Variants in RASGRP3 observed in about 807,000 individuals in gnomAD.
RASGRP3 encodes the protein ras guanyl-releasing protein 3.
RASGRP3 carries 54 observed loss-of-function variants against 82.7 expected under a neutral mutation model. That is an observed-to-expected ratio of 0.65 (90% CI 0.52 to 0.82). RASGRP3 has a LOEUF of 0.82. RASGRP3 is among the 40% of genes least tolerant of loss of function. The pLI, the probability that RASGRP3 is intolerant of heterozygous loss-of-function variation, is 0.00. For synonymous variants in RASGRP3, 309 were observed against 300.5 expected, an observed-to-expected ratio of 1.03 and a Z score of -0.29; for missense variants, 861 against 828.9, an observed-to-expected ratio of 1.04 and a Z score of -0.48.
In RASGRP3 at chr2:33,446,054, T is replaced by C. The variant is rs1665482389; in HGVS notation, c.-384-1766T>C. Among the ~76,000 whole-genome samples, 4 of 152,368 alleles carry C rather than the reference T, an allele frequency of 2.6e-5. No individual in the cohort carries two copies. The South Asian group carries it at 8.3e-4, about 32-fold the overall frequency. On this transcript the variant is annotated intron_variant, in intron 1 of 18. Coordinates refer to the RASGRP3 transcript ENST00000402538. ...TTTATGTCTAATTTTACTGTTAAAC[T>C]TTGTGCTTGCCTTTTCCTGAAGGAC...
chr2:33,526,222 A>C (rs1672553146), intron 9 of RASGRP3, among the ~76,000 whole-genome samples: 1 of 152,214 alleles, frequency 6.6e-6, no homozygotes, highest in Non-Finnish European at 1.5e-5. Flanking sequence ...CTCTGATGAT[A>C]AATCAAAACC....
chr2:33,558,433 A>G, intron 16 of RASGRP3, 97 bp downstream of exon 16: 1 of 1,569,004 alleles, frequency 6.4e-7, no homozygotes, highest in Non-Finnish European at 8.7e-7. Context: ...CCGGTCAGTC[A>G]CTCTAAACGC....
Position 33,524,413 on chromosome 2 carries a change from T to C in RASGRP3, c.691-19T>C, listed in dbSNP as rs749482044. 4 of 1,427,308 alleles carry C rather than the reference T, an allele frequency of 2.8e-6. No homozygotes were observed. The highest frequency in any genetic ancestry group is 2.6e-5 in the South Asian group (2 of 78,298). 88.4% of individuals were successfully genotyped at this position (1,427,308 alleles called of 1,614,324 possible). The stretch of plus-strand genomic sequence containing the variant: ...TAATTTGAAAATCCTTAAAAAGCAT[T>C]GATGCATTTTTATTGCAGAAGCTCC... On this transcript the variant is annotated intron_variant, in intron 8 of 17. Coordinates refer to ENST00000403687, the MANE Select transcript of RASGRP3 (RefSeq NM_001139488.2).
intron 13 of RASGRP3, among the ~76,000 whole-genome samples, chr2:33,548,698 A>AATT (rs374165976): frequency 2.2e-4 from 34 of 151,578 alleles, no homozygotes; most frequent in East Asian, 1.9e-3. Flanking sequence ...AAGTGGATCC[A>AATT]ATTATTATTA....
intron 14 of RASGRP3, chr2:33,555,132 C>T (rs2151105851): frequency 6.1e-6 from 1 of 163,998 alleles, no homozygotes; most frequent in Non-Finnish European, 1.3e-5. Context: ...ATGAGGTGCG[C>T]TTCTTCCATT....
chr2:33,450,779 TTTTTTTC>T (rs1229646685), intron 2 of RASGRP3, among the ~76,000 whole-genome samples: 5 of 149,760 alleles, frequency 3.3e-5, no homozygotes, highest in African/African-American at 9.7e-5. Context: ...ATTTTAAATG[TTTTTTTC>T]TTTTTTCTTT....
At chr2:33,461,449 T>C (rs1184478623) in intron 2 of RASGRP3, among the ~76,000 whole-genome samples, 2 of 152,220 alleles carry the variant, frequency 1.3e-5, no homozygotes, top group Admixed American at 1.3e-4. Flanking sequence ...AGCTAATTTT[T>C]GTATTTTTAG....
intron 2 of RASGRP3, among the ~76,000 whole-genome samples, chr2:33,464,398 G>A (rs910358141): frequency 6.6e-6 from 1 of 150,776 alleles, no homozygotes. Context: ...GGGATTACAG[G>A]TGTGAACCAC....
chr2:33,505,514 C>T (rs569978744), intron 1 of RASGRP3, among the ~76,000 whole-genome samples: 1 of 152,188 alleles, frequency 6.6e-6, no homozygotes, highest in South Asian at 2.1e-4. Context: ...GTTGGTCAGG[C>T]TGGTCTCGAA....
chr2:33,447,196 T>C (rs1339385541), intron 1 of RASGRP3, among the ~76,000 whole-genome samples: 3 of 150,718 alleles, frequency 2.0e-5, no homozygotes, highest in Admixed American at 1.3e-4. Flanking sequence ...GGTTGAGTGG[T>C]CCCACTGGTT....
At chr2:33,437,827 TAA>T (rs371168349) in intron 1 of RASGRP3, among the ~76,000 whole-genome samples, 1 of 145,942 alleles carries the variant, frequency 6.9e-6, no homozygotes. Context: ...CTTAAGTGGT[TAA>T]AAAAAAAAAG....
At chr2:33,481,350 G>A (rs1667878630) in intron 1 of RASGRP3, 1 of 152,148 alleles carries the variant, frequency 6.6e-6, no homozygotes, top group Non-Finnish European at 1.5e-5. Flanking sequence ...TTTTAATAGA[G>A]ACGGGGTTTC....
intron 1 of RASGRP3, among the ~76,000 whole-genome samples, chr2:33,446,275 A>C (rs984960289): frequency 6.6e-6 from 1 of 152,004 alleles, no homozygotes; most frequent in South Asian, 2.1e-4. Context: ...TCCTGCCTCA[A>C]CCTCCCTAGT....
intron 2 of RASGRP3, among the ~76,000 whole-genome samples, chr2:33,469,364 G>T (rs1666916598): frequency 6.6e-6 from 1 of 151,944 alleles, no homozygotes; most frequent in African/African-American, 2.4e-5. Context: ...TGTTGTGACT[G>T]TGATTGAAAC....
intron 1 of RASGRP3, among the ~76,000 whole-genome samples, chr2:33,437,814 G>T (rs1438612991): frequency 6.6e-6 from 1 of 151,670 alleles, no homozygotes; most frequent in South Asian, 2.1e-4. Context: ...TTTCTTAGCT[G>T]AACTTAAGTG....
intron 6 of RASGRP3, 32 bp downstream of exon 6, chr2:33,520,716 A>G: frequency 6.2e-7 from 1 of 1,612,004 alleles, no homozygotes; most frequent in Non-Finnish European, 8.5e-7. Context: ...TTCACACCCA[A>G]TAAGTCCACC....
chr2:33,525,462 GA>G (rs1248580182), intron 9 of RASGRP3, among the ~76,000 whole-genome samples: 1 of 151,828 alleles, frequency 6.6e-6, no homozygotes, highest in Non-Finnish European at 1.5e-5. Flanking sequence ...TCATCCTTAT[GA>G]AAAGATTCTC....
chr2:33,521,855 C>G, intron 6 of RASGRP3, 100 bp from the exon 7 acceptor site: 42 of 1,426,234 alleles, frequency 2.9e-5, no homozygotes, highest in Non-Finnish European at 3.9e-5. Context: ...TGCACAAGTC[C>G]CTGGAAGCAA....
At chr2:33,558,395 G>C in intron 16 of RASGRP3, 59 bp downstream of exon 16, 1 of 1,609,534 alleles carries the variant, frequency 6.2e-7, no homozygotes. Context: ...CCTCACACTT[G>C]GACCTCATTT....
Sources: allele counts gnomAD v4.1 joint callset (sites outside exome capture counted in the v4.1 genomes callset), GRCh38; gene constraint gnomAD v4.1.1; transcripts MANE v1.5; gene names NCBI Gene and HGNC (gene_info 2026-07-23, HGNC 2026-07-21).